Variants in UPRT observed in about 807,000 individuals in gnomAD.
UPRT encodes the protein uracil phosphoribosyltransferase homolog, also known as RP11-311P8.3.
A neutral mutation model predicts 22.6 loss-of-function variants in UPRT; 5 were observed. The ratio of observed to expected loss-of-function variants is 0.22; its 90% confidence interval spans 0.12 to 0.47. The LOEUF is 0.47. Among genes scored for constraint, UPRT ranks in the 20% least tolerant of loss-of-function variants. The pLI is 0.99. For missense variants in UPRT, 181 were observed against 239.9 expected (o/e 0.75, Z 1.62); for synonymous variants, 77 against 87.7 (o/e 0.88, Z 0.68).
chrX:75,195,208 T>A (rs2082329620), intron 4 of UPRT, among the ~76,000 whole-genome samples: 1 of 112,500 alleles, frequency 8.9e-6, no homozygotes, highest in Non-Finnish European at 1.9e-5. Context: ...GCTGGAGCTC[T>A]TCGCCAGTCA....
At chrX:75,185,603 T>C (rs1392364175) in intron 4 of UPRT, among the ~76,000 whole-genome samples, 1 of 112,046 alleles carries the variant, frequency 8.9e-6, no homozygotes, top group African/African-American at 3.2e-5. Context: ...ATGGTACCAG[T>C]TCCTCCTTGT....
At chrX:75,243,633 C>T (rs187248826) in intron 4 of UPRT, among the ~76,000 whole-genome samples, 3 of 111,340 alleles carry the variant, frequency 2.7e-5, no homozygotes, top group African/African-American at 6.5e-5. Context: ...AGACCAAATG[C>T]TTATTAGCTA....
chrX:75,166,879 C>T (rs191089910), intron 3 of UPRT, among the ~76,000 whole-genome samples: 7 of 112,306 alleles, frequency 6.2e-5, no homozygotes, highest in Admixed American at 1.9e-4. Context: ...TTGTGATCCA[C>T]GTTGTGACAT....
chrX:75,258,528 C>T (rs2082556845), intron 4 of UPRT, among the ~76,000 whole-genome samples: 1 of 111,432 alleles, frequency 9.0e-6, no homozygotes, highest in South Asian at 3.8e-4. Flanking sequence ...TGGGTGGAGC[C>T]AATGGCAGCT....
At chrX:75,251,606 A>G (rs2082530113) in intron 4 of UPRT, among the ~76,000 whole-genome samples, 1 of 112,109 alleles carries the variant, frequency 8.9e-6, no homozygotes, top group African/African-American at 3.2e-5. Flanking sequence ...ATGGGTAGGA[A>G]GAATGAATGT....
intron 4 of UPRT, among the ~76,000 whole-genome samples, chrX:75,201,252 T>G (rs2082346486): frequency 8.9e-6 from 1 of 112,793 alleles, no homozygotes; most frequent in African/African-American, 3.2e-5. Flanking sequence ...TCCTATTTGC[T>G]TCACTAGAAA....
At chrX:75,252,657 A>G (rs2082535316) in intron 4 of UPRT, among the ~76,000 whole-genome samples, 1 of 112,160 alleles carries the variant, frequency 8.9e-6, no homozygotes, top group Admixed American at 9.4e-5. Flanking sequence ...ATCTAGAACT[A>G]GAAATACCAT....
At chrX:75,166,024 G>A (rs999604814) in intron 3 of UPRT, among the ~76,000 whole-genome samples, 2 of 111,964 alleles carry the variant, frequency 1.8e-5, no homozygotes, top group Non-Finnish European at 3.8e-5. Flanking sequence ...CATTAACCTA[G>A]CACATAATCA....
In UPRT at chrX:75,303,548, C is replaced by A; in HGVS notation, c.*37C>A. On this transcript the variant is annotated 3_prime_UTR_variant, in exon 7 of 7. Transcript: ENST00000373383. Reference sequence around the variant, plus strand: ...AAAATAATTATCTTATGTAATATTACAATCATGTTTTGATTTTCTATTTGT... The same window carrying A: ...AAAATAATTATCTTATGTAATATTAAAATCATGTTTTGATTTTCTATTTGT... 1 of 1,027,389 alleles carries A rather than the reference C, an allele frequency of 9.7e-7. No individual in the cohort carries two copies. Among genetic ancestry groups the A allele is most frequent in the Non-Finnish European group, 1.3e-6 (1 of 753,904 alleles). 84.7% of individuals were successfully genotyped at this position (1,027,389 alleles called of 1,213,427 possible).
chrX:75,254,759 ATC>A (rs755500566), intron 4 of UPRT, among the ~76,000 whole-genome samples: 1 of 97,075 alleles, frequency 1.0e-5, no homozygotes, highest in African/African-American at 3.8e-5. Flanking sequence ...GAAGGAAAGA[ATC>A]TTTTTTTTTT....
At chrX:75,257,070 A>T (rs183090338) in intron 4 of UPRT, among the ~76,000 whole-genome samples, 98 of 112,066 alleles carry the variant, frequency 8.7e-4, no homozygotes, top group African/African-American at 2.9e-3. Context: ...TAACCAAAAA[A>T]GAAAAGTACA....
Position 75,182,976 on chromosome X carries a change from G to A in UPRT, c.-447+15097G>A, listed in dbSNP as rs185945086. Reference sequence around the variant, plus strand: ...AGATCTTTCTAAATTTTTGACGTGGGCATTTAGTGCTATAACCTTCCTTCT... The same window carrying A: ...AGATCTTTCTAAATTTTTGACGTGGACATTTAGTGCTATAACCTTCCTTCT... On this transcript the variant is annotated intron_variant, in intron 4 of 13. Transcript: ENST00000652605. Among the ~76,000 whole-genome samples, 84 of 109,644 alleles carry A rather than the reference G, an allele frequency of 7.7e-4. No individual in the cohort carries two copies. In the East Asian group the frequency reaches 0.017, roughly 22 times the overall value.
chrX:75,166,004 G>A (rs903698395), intron 3 of UPRT, among the ~76,000 whole-genome samples: 2 of 111,773 alleles, frequency 1.8e-5, no homozygotes, highest in South Asian at 3.7e-4. Flanking sequence ...TAGCAAGATC[G>A]GGGGAAAATC....
chrX:75,246,789 G>A (rs1034362885), intron 4 of UPRT, among the ~76,000 whole-genome samples: 1 of 111,336 alleles, frequency 9.0e-6, no homozygotes, highest in Non-Finnish European at 1.9e-5. Context: ...TTTAATGATC[G>A]GCATTCTAAC....
At chrX:75,196,105 TA>T (rs902461985) in intron 4 of UPRT, among the ~76,000 whole-genome samples, 1 of 112,391 alleles carries the variant, frequency 8.9e-6, no homozygotes, top group African/African-American at 3.2e-5. Context: ...ATCTGTAGAA[TA>T]TTACCAGCTT....
At chrX:75,191,288 C>T (rs987562302) in intron 4 of UPRT, among the ~76,000 whole-genome samples, 7 of 112,261 alleles carry the variant, frequency 6.2e-5, no homozygotes, top group African/African-American at 1.6e-4. Context: ...GGCTGCAGAA[C>T]GCGAATATTG....
At chrX:75,189,804 C>T (rs1052192431) in intron 4 of UPRT, among the ~76,000 whole-genome samples, 1 of 111,436 alleles carries the variant, frequency 9.0e-6, no homozygotes, top group Non-Finnish European at 1.9e-5. Flanking sequence ...AGTATTGCGA[C>T]CCTTGCCTTT....
At chrX:75,254,374 A>G (rs1015026892) in intron 4 of UPRT, among the ~76,000 whole-genome samples, 7 of 112,455 alleles carry the variant, frequency 6.2e-5, no homozygotes, top group Non-Finnish European at 7.5e-5. Context: ...CACTTATAGA[A>G]ATGCAAAAAT....
At chrX:75,296,577 A>G (rs2082726564) in intron 3 of UPRT, among the ~76,000 whole-genome samples, 166 bp downstream of exon 3, 1 of 112,087 alleles carries the variant, frequency 8.9e-6, no homozygotes, top group Non-Finnish European at 1.9e-5. Flanking sequence ...TAGGAAAGAA[A>G]TCTGTGTAGA....
Sources: gnomAD v4.1 joint callset for allele counts (sites outside exome capture counted in the v4.1 genomes callset) on GRCh38, gnomAD v4.1.1 for gene constraint, MANE v1.5 for transcripts, NCBI Gene and HGNC (gene_info 2026-07-23, HGNC 2026-07-21) for gene names.